KHDRBS2: variants seen among roughly 807,000 people sequenced by gnomAD.
The protein encoded by KHDRBS2 is KH domain-containing, RNA-binding, signal transduction-associated protein 2.
In KHDRBS2, 26 loss-of-function variants were observed where a neutral mutation model predicts 44.3. That is an observed-to-expected ratio of 0.59 (90% CI 0.43 to 0.81). The LOEUF (loss-of-function observed/expected upper bound fraction) is 0.81. KHDRBS2 is among the 40% of genes least tolerant of loss of function. The pLI is 0.00. For synonymous variants in KHDRBS2, 194 were observed against 151.1 expected (o/e 1.28, Z -2.08); for missense variants, 476 against 433.1 (o/e 1.10, Z -0.88).
intron 1 of KHDRBS2, among the ~76,000 whole-genome samples, chr6:62,239,024 T>G (rs1834156546): frequency 6.6e-6 from 1 of 152,152 alleles, no homozygotes; most frequent in Non-Finnish European, 1.5e-5. Flanking sequence ...GACAAAGATG[T>G]TAGGGATTAA....
intron 3 of KHDRBS2, among the ~76,000 whole-genome samples, chr6:61,987,296 C>CA (rs1775227757): frequency 1.3e-5 from 2 of 152,142 alleles, no homozygotes; most frequent in South Asian, 4.1e-4. Context: ...ATATATGAAC[C>CA]AAAAGAGTTA....
At chr6:61,887,068 T>C (rs899389659) in intron 6 of KHDRBS2, among the ~76,000 whole-genome samples, 1 of 150,718 alleles carries the variant, frequency 6.6e-6, no homozygotes, top group Non-Finnish European at 1.5e-5. Context: ...CAGGATACCT[T>C]ATGGTTCTTT....
chr6:61,555,288 G>C, the KHDRBS2 span, among the ~76,000 whole-genome samples: 4 of 152,068 alleles, frequency 2.6e-5, no homozygotes, highest in Admixed American at 2.6e-4. Flanking sequence ...TCCTCAGCTT[G>C]GTCAATTCTG....
chr6:62,098,551 T>C (rs1801165002), intron 2 of KHDRBS2, among the ~76,000 whole-genome samples: 1 of 152,186 alleles, frequency 6.6e-6, no homozygotes, highest in Non-Finnish European at 1.5e-5. Flanking sequence ...TTTGCTTCTT[T>C]TCTCTTGTGG....
chr6:61,806,310 T>A (rs1562219220), intron 6 of KHDRBS2, among the ~76,000 whole-genome samples: 2 of 152,156 alleles, frequency 1.3e-5, no homozygotes, highest in African/African-American at 4.8e-5. Flanking sequence ...CTGATATCCT[T>A]GGGACCACTA....
chr6:61,975,492 G>A (rs552797719), intron 4 of KHDRBS2, among the ~76,000 whole-genome samples: 2 of 151,960 alleles, frequency 1.3e-5, no homozygotes, highest in East Asian at 1.9e-4. Context: ...TGCCCCTTGC[G>A]GTTCTCCCAT....
intron 6 of KHDRBS2, among the ~76,000 whole-genome samples, chr6:61,765,739 T>A (rs1352128206): frequency 6.6e-6 from 1 of 152,136 alleles, no homozygotes; most frequent in African/African-American, 2.4e-5. Context: ...TTCAGCATCA[T>A]TTGAAAAGAT....
intron 7 of KHDRBS2, among the ~76,000 whole-genome samples, chr6:61,716,771 T>C (rs1276505099): frequency 6.6e-6 from 1 of 152,110 alleles, no homozygotes. Context: ...GCTAGGCTTC[T>C]CTTCACCTAC....
intron 6 of KHDRBS2, among the ~76,000 whole-genome samples, chr6:61,790,267 T>A (rs1384573395): frequency 6.6e-6 from 1 of 151,456 alleles, no homozygotes; most frequent in East Asian, 1.9e-4. Context: ...TTTTCTCTAC[T>A]TGTTTGGAAG....
the KHDRBS2 span, among the ~76,000 whole-genome samples, chr6:61,547,907 C>A: frequency 2.0e-5 from 3 of 152,086 alleles, no homozygotes; most frequent in African/African-American, 4.8e-5. Flanking sequence ...CCTTTATAGA[C>A]AAGGGCTTGG....
chr6:61,699,861 T>C (rs1768376245), intron 7 of KHDRBS2, among the ~76,000 whole-genome samples: 1 of 151,956 alleles, frequency 6.6e-6, no homozygotes, highest in Non-Finnish European at 1.5e-5. Context: ...ATGTTTACAT[T>C]CAAACTGTCT....
Position 62,168,150 on chromosome 6 carries a change from A to G in KHDRBS2, c.219+9035T>C, listed in dbSNP as rs756599675. ...GAACTTCAGTTTTCTGCATTAATCT[A>G]CATAAGAAATTTATTTGAAAACCAG... On this transcript the variant is annotated intron_variant, in intron 2 of 8. Coordinates refer to ENST00000281156, the MANE Select transcript of KHDRBS2 (RefSeq NM_152688.4). Among the ~76,000 whole-genome samples the G allele has an allele frequency of 5.9e-5, 9 of 152,236 alleles. No homozygotes were observed. In the South Asian group the frequency reaches 1.9e-3, roughly 32 times the overall value.
chr6:61,634,668 A>C, the KHDRBS2 span, among the ~76,000 whole-genome samples: 1 of 152,088 alleles, frequency 6.6e-6, no homozygotes, highest in Non-Finnish European at 1.5e-5. Context: ...GCAGTTTCAA[A>C]TATGTAAAAT....
chr6:62,177,069 T>A, intron 2 of KHDRBS2, 116 bp downstream of exon 2: 1 of 606,230 alleles, frequency 1.6e-6, no homozygotes. Context: ...TGTGCTTGCA[T>A]ACACTTACAT....
intron 5 of KHDRBS2, among the ~76,000 whole-genome samples, chr6:61,899,801 A>T (rs1343597742): frequency 1.1e-4 from 16 of 140,580 alleles, no homozygotes; most frequent in Admixed American, 3.1e-4. Context: ...TCCTAAATTT[A>T]TACTTACGTT....
At chr6:61,779,408 C>A (rs554330325) in intron 6 of KHDRBS2, among the ~76,000 whole-genome samples, 4 of 151,880 alleles carry the variant, frequency 2.6e-5, no homozygotes. Context: ...AGTATGGGAA[C>A]CACTGGATTA....
intron 2 of KHDRBS2, among the ~76,000 whole-genome samples, chr6:62,173,804 T>TA (rs1563001030): frequency 6.6e-6 from 1 of 151,564 alleles, no homozygotes; most frequent in Non-Finnish European, 1.5e-5. Flanking sequence ...CAAATTAAAA[T>TA]AAAAAACCAT....
At chr6:61,823,003 T>TA in intron 6 of KHDRBS2, among the ~76,000 whole-genome samples, 1 of 152,182 alleles carries the variant, frequency 6.6e-6, no homozygotes, top group Admixed American at 6.6e-5. Context: ...AGTTTTTTTT[T>TA]ACTATTAAAT....
intron 4 of KHDRBS2, among the ~76,000 whole-genome samples, chr6:61,963,330 A>C (rs541602690): frequency 6.6e-6 from 1 of 152,196 alleles, no homozygotes; most frequent in African/African-American, 2.4e-5. Context: ...GAATGAGGGA[A>C]ATGCTACTGT....
Sources: gnomAD v4.1 joint callset for allele counts (sites outside exome capture counted in the v4.1 genomes callset) on GRCh38, gnomAD v4.1.1 for gene constraint, MANE v1.5 for transcripts, NCBI Gene and HGNC (gene_info 2026-07-23, HGNC 2026-07-21) for gene names.